PJA2: variants seen among roughly 807,000 people sequenced by gnomAD.
The protein encoded by PJA2 is E3 ubiquitin-protein ligase Praja-2.
Under a neutral mutation model 69.3 loss-of-function variants are expected in PJA2, and 25 were observed. That is an observed-to-expected ratio of 0.36 (90% confidence interval 0.26 to 0.50). The LOEUF (loss-of-function observed/expected upper bound fraction) is 0.50, where lower values mean the gene tolerates loss of function less well. PJA2 is among the 20% of genes least tolerant of loss of function. The probability of loss-of-function intolerance (pLI) is 0.96; values close to 1 mark genes in which losing one functional copy is unlikely to be tolerated. For missense variants in PJA2, 809 were observed against 830.2 expected, an observed-to-expected ratio of 0.97 and a Z score of 0.31; for synonymous variants, 308 against 277.8, an observed-to-expected ratio of 1.11 and a Z score of -1.08.
chr5:109,343,993 A>C (rs1762130532), intron 9 of PJA2, among the ~76,000 whole-genome samples, 197 bp downstream of exon 9: 1 of 149,574 alleles, frequency 6.7e-6, no homozygotes, highest in South Asian at 2.2e-4. Flanking sequence ...GCTACTTGGG[A>C]GGCTGAGGCA....
chr5:109,352,659 G>A (rs1435991384), intron 7 of PJA2, among the ~76,000 whole-genome samples: 2 of 151,996 alleles, frequency 1.3e-5, no homozygotes, highest in Non-Finnish European at 2.9e-5. Context: ...GTAATTGAAA[G>A]CAATCTCCAT....
intron 2 of PJA2, 76 bp from the exon 3 acceptor site, chr5:109,381,779 T>G: frequency 1.7e-6 from 2 of 1,180,596 alleles, no homozygotes; most frequent in Non-Finnish European, 2.4e-6. Context: ...GAAAACTACT[T>G]CAGTTTATAT....
chr5:109,378,218 G>A lies in PJA2; in HGVS notation c.1269C>T (p.Asp423=). The change falls in exon 4 of 10, where the codon GAC becomes GAT. Residue 423 remains aspartate (D), a synonymous_variant. Transcript: ENST00000361189. ...TGTGACCTTACCTATCTTCATCTTT[G>A]TCATAGAGTTGGTAATAATCTCCAC... ...NGCGDYYQLY[D]KDEDSSECSD... 1 of 1,611,156 alleles carries A rather than the reference G, an allele frequency of 6.2e-7. No homozygotes were observed. The highest frequency in any genetic ancestry group is 8.5e-7 in the Non-Finnish European group (1 of 1,178,112).
intron 1 of PJA2, among the ~76,000 whole-genome samples, chr5:109,393,527 T>G (rs1371109717): frequency 1.3e-5 from 2 of 151,858 alleles, no homozygotes; most frequent in South Asian, 4.2e-4. Flanking sequence ...CCCACTTATA[T>G]GGCAGGCTGT....
intron 7 of PJA2, among the ~76,000 whole-genome samples, chr5:109,346,024 G>A (rs1762168260): frequency 6.6e-6 from 1 of 152,166 alleles, no homozygotes; most frequent in Non-Finnish European, 1.5e-5. Context: ...CCTGCCTGGT[G>A]CTTTCTGTCC....
At chr5:109,354,439 G>T (rs62643174) in intron 7 of PJA2, among the ~76,000 whole-genome samples, 7 of 81,718 alleles carry the variant, frequency 8.6e-5, no homozygotes, top group Admixed American at 2.5e-4. Flanking sequence ...ATCTAGAGAT[G>T]TCTATAGATT....
chr5:109,383,362 A>G (rs772226138), intron 2 of PJA2, 41 bp downstream of exon 2: 1 of 1,598,670 alleles, frequency 6.3e-7, no homozygotes, highest in Admixed American at 1.7e-5. Flanking sequence ...CCAGAGGAAA[A>G]AACAAGAAGT....
Position 109,344,709 on chromosome 5 carries a change from G to A in PJA2, c.1875C>T (p.His625=). ...TGAGATCAACTTTGCCCTTACCAGT[G>A]TGATCTTCAAGAACAAGGGTCTCTG... The part of the protein sequence containing the change: ...GLPETLVLED[H]TAIGQEQCCP... The change falls in exon 8 of 10, where the codon CAC becomes CAT. Residue 625 remains histidine (H), a synonymous_variant. Coordinates refer to ENST00000361189, the MANE Select transcript of PJA2 (RefSeq NM_014819.5). The A allele has an allele frequency of 1.2e-6, 2 of 1,609,038 alleles. No individual in the cohort carries two copies. Among genetic ancestry groups the A allele is most frequent in the Non-Finnish European group, 1.7e-6 (2 of 1,175,934 alleles).
intron 1 of PJA2, among the ~76,000 whole-genome samples, chr5:109,407,333 T>A (rs1341415815): frequency 6.6e-6 from 1 of 152,132 alleles, no homozygotes; most frequent in Non-Finnish European, 1.5e-5. Flanking sequence ...GAAAACTCAT[T>A]TATGGTTTTT....
chr5:109,394,133 C>T (rs867228696), intron 1 of PJA2, among the ~76,000 whole-genome samples: 124 of 147,640 alleles, frequency 8.4e-4, no homozygotes, highest in African/African-American at 3.1e-3. Context: ...CTGCAACATC[C>T]GCCTCCTGGG....
chr5:109,408,876 G>C (rs777237817), intron 1 of PJA2, among the ~76,000 whole-genome samples: 2 of 152,198 alleles, frequency 1.3e-5, no homozygotes, highest in Non-Finnish European at 2.9e-5. Flanking sequence ...TTCAGCAAAG[G>C]TGACTGCCAT....
chr5:109,344,822 GA>G lies in PJA2; in HGVS notation c.1765-4del. On this transcript the variant is annotated splice_region_variant and splice_polypyrimidine_tract_variant and intron_variant, in intron 7 of 9. Coordinates refer to ENST00000361189, the MANE Select transcript of PJA2 (RefSeq NM_014819.5). Reference sequence around the variant, plus strand: ...GACTCTAAATGGGCCAGAGCAGTCTGAAAAACAAAAGGTACAGTTCTTTGTT... The same window carrying G: ...GACTCTAAATGGGCCAGAGCAGTCTGAAAACAAAAGGTACAGTTCTTTGTT... 1 of 1,593,954 alleles carries G rather than the reference GA, an allele frequency of 6.3e-7. No individual in the cohort carries two copies. The highest frequency in any genetic ancestry group is 8.6e-7 in the Non-Finnish European group (1 of 1,165,580).
chr5:109,361,971 A>T (rs1321745036), intron 6 of PJA2, among the ~76,000 whole-genome samples: 1 of 152,224 alleles, frequency 6.6e-6, no homozygotes, highest in African/African-American at 2.4e-5. Context: ...GACTTAAAAC[A>T]TATGTTCTGG....
At position 109,358,337 on chromosome 5, in the gene PJA2, G is replaced by A. The variant is rs185300073; in HGVS notation, c.1653-2311C>T. On this transcript the variant is annotated intron_variant, in intron 6 of 9. Transcript: ENST00000361189. ...TCCCTTTATTTTGGCCCATCCCTTCGTTTCCCATAAGGGATACTTTTAGTT... is the reference window on the plus strand; with the variant it reads ...TCCCTTTATTTTGGCCCATCCCTTCATTTCCCATAAGGGATACTTTTAGTT... Among the ~76,000 whole-genome samples the A allele has an allele frequency of 1.4e-4, 22 of 152,250 alleles. No individual in the cohort carries two copies. The Middle Eastern group carries it at 0.01, about 71-fold the overall frequency.
intron 4 of PJA2, among the ~76,000 whole-genome samples, chr5:109,370,798 A>G (rs1324691133): frequency 6.6e-6 from 1 of 152,218 alleles, no homozygotes; most frequent in African/African-American, 2.4e-5. Context: ...TAAGATTTCT[A>G]TATAAATTTG....
intron 6 of PJA2, among the ~76,000 whole-genome samples, chr5:109,359,677 G>A (rs751310944): frequency 2.0e-4 from 30 of 152,062 alleles, no homozygotes; most frequent in African/African-American, 5.3e-4. Flanking sequence ...CTGAGGAAAC[G>A]TCCACATTAA....
rs6864027 is a variant in PJA2, at chr5:109,372,231, G to A, written c.1284-3485C>T. On this transcript the variant is annotated intron_variant, in intron 4 of 9. Coordinates refer to ENST00000361189, the MANE Select transcript of PJA2 (RefSeq NM_014819.5). ...TGACCTATAGAATAAAAAGTTAAATGTCTTTGAATAACACTTATAATTTAC... is the reference window on the plus strand; with the variant it reads ...TGACCTATAGAATAAAAAGTTAAATATCTTTGAATAACACTTATAATTTAC... 3.7e-3 allele frequency among the ~76,000 whole-genome samples: 559 copies of A among 152,210 alleles called. 5 individuals are homozygous for A. The highest frequency in any genetic ancestry group is 0.013 in the African/African-American group (535 of 41,502).
intron 1 of PJA2, among the ~76,000 whole-genome samples, chr5:109,395,675 A>T (rs897000407): frequency 6.6e-6 from 1 of 152,208 alleles, no homozygotes; most frequent in African/African-American, 2.4e-5. Flanking sequence ...CTTGTTTTAA[A>T]GACATGTAGC....
chr5:109,354,032 G>C (rs549691328), intron 7 of PJA2, among the ~76,000 whole-genome samples: 1 of 143,834 alleles, frequency 7.0e-6, no homozygotes, highest in African/African-American at 2.6e-5. Context: ...ATGATATCTA[G>C]AGATATCTAT....
Sources: gnomAD v4.1 joint callset for allele counts (sites outside exome capture counted in the v4.1 genomes callset) on GRCh38, gnomAD v4.1.1 for gene constraint, MANE v1.5 for transcripts, NCBI Gene and HGNC (gene_info 2026-07-23, HGNC 2026-07-21) for gene names.